Variants in PTGFRN observed in about 807,000 individuals in gnomAD.
PTGFRN encodes prostaglandin F2 receptor inhibitor, also known as prostaglandin F2 receptor negative regulator.
Under a neutral mutation model 83.2 loss-of-function variants are expected in PTGFRN, and 35 were observed. That is an observed-to-expected ratio of 0.42 (90% CI 0.32 to 0.56). PTGFRN has a LOEUF of 0.56. Among genes scored for constraint, PTGFRN ranks in the 20% least tolerant of loss-of-function variants. The probability of loss-of-function intolerance (pLI) is 0.11; values close to 1 mark genes in which losing one functional copy is unlikely to be tolerated. For missense variants in PTGFRN, 1,051 were observed against 1,179.5 expected (o/e 0.89, Z 1.60); for synonymous variants, 519 against 498.6 (o/e 1.04, Z -0.55).
chr1:116,967,224 G>A lies in PTGFRN; in HGVS notation c.1953G>A (p.Gly651=). The A allele has an allele frequency of 6.2e-7, 1 of 1,614,206 alleles. No homozygotes were observed. Among genetic ancestry groups the A allele is most frequent in the Admixed American group, 1.7e-5 (1 of 60,034 alleles). Residue 651 remains glycine (G), a synonymous_variant, in exon 6 of 9, where the codon GGG becomes GGA. Coordinates refer to ENST00000393203, the MANE Select transcript of PTGFRN (RefSeq NM_020440.4). The part of the protein sequence containing the change: ...RMYQTQVSDA[G]LYRCMVTAWS... ...ACCAGACTCAGGTCTCAGACGCAGGGCTGTACCGCTGCATGGTGACAGCCT... is the reference window on the plus strand; with the variant it reads ...ACCAGACTCAGGTCTCAGACGCAGGACTGTACCGCTGCATGGTGACAGCCT...
chr1:116,932,982 T>C (rs1649836557), intron 1 of PTGFRN, among the ~76,000 whole-genome samples: 1 of 152,204 alleles, frequency 6.6e-6, no homozygotes, highest in Admixed American at 6.5e-5. Context: ...AGCTACCTTA[T>C]GGTTGTCTTC....
At chr1:116,984,083 A>G (rs1651393912) in intron 7 of PTGFRN, among the ~76,000 whole-genome samples, 1 of 152,082 alleles carries the variant, frequency 6.6e-6, no homozygotes, top group East Asian at 1.9e-4. Context: ...TCAGCTTGAC[A>G]TTTTTTTTCC....
intron 1 of PTGFRN, among the ~76,000 whole-genome samples, chr1:116,917,712 A>G (rs1314197086): frequency 3.3e-5 from 5 of 152,120 alleles, no homozygotes; most frequent in South Asian, 4.1e-4. Flanking sequence ...TCATTGCAGC[A>G]TGAAACTCCT....
chr1:116,932,547 G>C (rs939572888), intron 1 of PTGFRN, among the ~76,000 whole-genome samples: 9 of 152,162 alleles, frequency 5.9e-5, no homozygotes, highest in Non-Finnish European at 8.8e-5. Context: ...TGGTGTTAAA[G>C]TTGGTATCAC....
chr1:116,966,806 G>T, intron 5 of PTGFRN, 105 bp from the exon 6 acceptor site: 1 of 1,256,210 alleles, frequency 8.0e-7, no homozygotes, highest in South Asian at 1.6e-5. Flanking sequence ...CTTTTGTGTG[G>T]CAATTTGCAA....
intron 1 of PTGFRN, among the ~76,000 whole-genome samples, chr1:116,930,232 G>T (rs149841281): frequency 1.3e-5 from 2 of 152,294 alleles, no homozygotes; most frequent in African/African-American, 4.8e-5. Flanking sequence ...TGAAATTCTT[G>T]CATCCCTTGG....
At chr1:116,925,435 G>GAA (rs112765095) in intron 1 of PTGFRN, among the ~76,000 whole-genome samples, 49 of 146,524 alleles carry the variant, frequency 3.3e-4, no homozygotes, top group African/African-American at 1.2e-3. Context: ...TCAAAAAAAA[G>GAA]AAAAAAAAAA....
chr1:116,935,246 C>A (rs1451183559), intron 1 of PTGFRN, among the ~76,000 whole-genome samples: 2 of 152,152 alleles, frequency 1.3e-5, no homozygotes, highest in African/African-American at 2.4e-5. Flanking sequence ...CCTTGAACTT[C>A]AGTTGTCTTC....
intron 6 of PTGFRN, among the ~76,000 whole-genome samples, chr1:116,971,457 C>G (rs548646734): frequency 2.6e-5 from 4 of 152,256 alleles, no homozygotes; most frequent in Admixed American, 2.6e-4. Context: ...TTGGGGGACC[C>G]CTAGTGACTC....
intron 7 of PTGFRN, among the ~76,000 whole-genome samples, chr1:116,983,388 C>T (rs761726733): frequency 5.9e-5 from 9 of 151,408 alleles, no homozygotes; most frequent in Admixed American, 5.3e-4. Context: ...TCACTGAAGA[C>T]GAGAGTGATG....
chr1:116,915,123 G>A (rs1275348732), intron 1 of PTGFRN, among the ~76,000 whole-genome samples: 2 of 152,228 alleles, frequency 1.3e-5, no homozygotes, highest in East Asian at 1.9e-4. Flanking sequence ...TCTCTGCTAA[G>A]GAAAAGTTTA....
At chr1:116,984,027 C>T (rs1238466285) in intron 7 of PTGFRN, among the ~76,000 whole-genome samples, 1 of 152,166 alleles carries the variant, frequency 6.6e-6, no homozygotes, top group Non-Finnish European at 1.5e-5. Flanking sequence ...GAGTACTTTA[C>T]GATTCAGCAT....
At chr1:116,948,578 T>C (rs1372833704) in intron 3 of PTGFRN, among the ~76,000 whole-genome samples, 1 of 152,228 alleles carries the variant, frequency 6.6e-6, no homozygotes, top group African/African-American at 2.4e-5. Flanking sequence ...ATTTTTCCCT[T>C]TTATCCCTTA....
chr1:116,982,847 A>C (rs1221961522), intron 7 of PTGFRN, among the ~76,000 whole-genome samples: 1 of 152,160 alleles, frequency 6.6e-6, no homozygotes, highest in Non-Finnish European at 1.5e-5. Context: ...GGCTTCCATC[A>C]GCCTAAGCCC....
In PTGFRN at chr1:116,923,097, G is replaced by C. The variant is rs145888584; in HGVS notation, c.49+12845G>C. ...TCGGTTTGTGATGATCTGTTTATTA[G>C]GATGAGCATTTGTGTGTCTCACCCA... On this transcript the variant is annotated intron_variant, in intron 1 of 8. Transcript: ENST00000393203. This position sits in a 1 kb window ranked among gnomAD's most constrained non-coding sequence, Gnocchi z 4.0. Among the ~76,000 whole-genome samples the C allele has an allele frequency of 5.5e-3, 831 of 152,280 alleles. 10 individuals are homozygous for C. Among genetic ancestry groups the C allele is most frequent in the Middle Eastern group, 0.014 (4 of 294 alleles).
In PTGFRN at chr1:116,923,926, C is replaced by G. The variant is rs1024504866; in HGVS notation, c.49+13674C>G. On this transcript the variant is annotated intron_variant, in intron 1 of 8. Transcript: ENST00000393203. This position sits in a 1 kb window ranked among gnomAD's most constrained non-coding sequence, Gnocchi z 4.0. ...TCCTTTGACTCCTCCAGCAACCAGT[C>G]TAAATGTGGAGGATGACACACACAC... Among the ~76,000 whole-genome samples, 4 of 152,014 alleles carry G rather than the reference C, an allele frequency of 2.6e-5. No homozygotes were observed. Among genetic ancestry groups the G allele is most frequent in the African/African-American group, 7.3e-5 (3 of 41,372 alleles).
chr1:116,926,049 A>G (rs984279237), intron 1 of PTGFRN, among the ~76,000 whole-genome samples: 10 of 149,514 alleles, frequency 6.7e-5, no homozygotes, highest in African/African-American at 2.1e-4. Flanking sequence ...CACTGTGTCT[A>G]CAAATGAGAA....
At chr1:116,985,525 C>G (rs1205554640) in intron 8 of PTGFRN, among the ~76,000 whole-genome samples, 1 of 151,894 alleles carries the variant, frequency 6.6e-6, no homozygotes, top group Non-Finnish European at 1.5e-5. Flanking sequence ...AGTGAAACCC[C>G]GTCTCTACTA....
At chr1:116,911,359 T>C (rs773865664) in intron 1 of PTGFRN, among the ~76,000 whole-genome samples, 4 of 152,180 alleles carry the variant, frequency 2.6e-5, no homozygotes, top group Admixed American at 2.0e-4. Flanking sequence ...GGGCAAATGA[T>C]TACTCTGCAC....
Sources: allele counts gnomAD v4.1 joint callset (sites outside exome capture counted in the v4.1 genomes callset), GRCh38; gene constraint gnomAD v4.1.1; non-coding constraint Gnocchi (gnomAD v3.1); transcripts MANE v1.5; gene names NCBI Gene and HGNC (gene_info 2026-07-23, HGNC 2026-07-21).